Variants in NRG3 observed in about 807,000 individuals in gnomAD.
NRG3 encodes the protein pro-neuregulin-3, membrane-bound isoform.
NRG3 carries 31 observed loss-of-function variants against 66.9 expected under a neutral mutation model. The observed-to-expected ratio is 0.46, with a 90% CI of 0.35 to 0.63. NRG3 has a LOEUF of 0.63. Ranked by LOEUF, NRG3 falls within the 20% of genes least tolerant of loss-of-function variation. The pLI is 0.00. For synonymous variants in NRG3, 393 were observed against 359.4 expected (o/e 1.09, Z -1.06); for missense variants, 910 against 878.9 (o/e 1.04, Z -0.45).
intron 2 of NRG3, among the ~76,000 whole-genome samples, chr10:82,545,826 C>T (rs1232403278): frequency 4.6e-5 from 6 of 131,752 alleles, no homozygotes; most frequent in African/African-American, 1.7e-4. Context: ...CTGGCACTGT[C>T]GCCCAGGCTG....
At chr10:82,102,375 G>T (rs2066813923) in intron 1 of NRG3, among the ~76,000 whole-genome samples, 2 of 150,376 alleles carry the variant, frequency 1.3e-5, no homozygotes, top group African/African-American at 4.9e-5. Flanking sequence ...ATTTCTTGAA[G>T]TCATTGCATA....
chr10:82,550,086 C>T (rs984080632), intron 2 of NRG3, among the ~76,000 whole-genome samples: 1 of 152,104 alleles, frequency 6.6e-6, no homozygotes, highest in African/African-American at 2.4e-5. Context: ...CTGAAGTCCT[C>T]GAGTAGACTG....
At chr10:82,129,064 C>A (rs543863048) in intron 1 of NRG3, among the ~76,000 whole-genome samples, 1 of 152,076 alleles carries the variant, frequency 6.6e-6, no homozygotes, top group South Asian at 2.1e-4. Flanking sequence ...AGATGCCTGC[C>A]ACCATGCCCA....
intron 1 of NRG3, among the ~76,000 whole-genome samples, chr10:82,266,530 C>G (rs1327238267): frequency 1.3e-5 from 2 of 152,128 alleles, no homozygotes; most frequent in African/African-American, 2.4e-5. Flanking sequence ...AGGTATTGCT[C>G]TCCTATCCTA....
chr10:82,591,267 A>G (rs2046966428), intron 2 of NRG3, among the ~76,000 whole-genome samples: 1 of 152,202 alleles, frequency 6.6e-6, no homozygotes, highest in South Asian at 2.1e-4. Flanking sequence ...TATCCCTAAG[A>G]AACAGTACTT....
chr10:82,901,817 C>T (rs1041124224), intron 4 of NRG3, among the ~76,000 whole-genome samples: 14 of 152,174 alleles, frequency 9.2e-5, no homozygotes, highest in African/African-American at 3.4e-4. Flanking sequence ...AGGTACCTAA[C>T]ATCAATCCTC....
chr10:82,943,788 C>T (rs1026642009), intron 4 of NRG3, among the ~76,000 whole-genome samples: 2 of 152,032 alleles, frequency 1.3e-5, no homozygotes, highest in South Asian at 4.1e-4. Context: ...GTCAAGTTGA[C>T]ACCTAAAATT....
At chr10:82,173,707 A>T (rs976740819) in intron 1 of NRG3, among the ~76,000 whole-genome samples, 8 of 150,832 alleles carry the variant, frequency 5.3e-5, no homozygotes, top group African/African-American at 2.0e-4. Context: ...ACACACACGC[A>T]TGAAAAGAGA....
intron 3 of NRG3, among the ~76,000 whole-genome samples, chr10:82,810,373 T>G (rs1289342845): frequency 6.6e-6 from 1 of 152,136 alleles, no homozygotes; most frequent in East Asian, 1.9e-4. Flanking sequence ...TATGTGAATG[T>G]TTTTGAAGAG....
intron 3 of NRG3, among the ~76,000 whole-genome samples, chr10:82,772,436 A>G (rs1318112753): frequency 3.3e-5 from 5 of 152,012 alleles, no homozygotes; most frequent in Non-Finnish European, 5.9e-5. Context: ...TTAATCCTAT[A>G]TATCTGTCAC....
intron 6 of NRG3, 149 bp from the exon 7 acceptor site, chr10:82,973,639 G>A (rs144774559): frequency 9.0e-6 from 7 of 777,526 alleles, no homozygotes; most frequent in Admixed American, 2.1e-5. Context: ...ATTGGAAACA[G>A]GACACAAATT....
At chr10:82,095,547 T>C (rs956315783) in intron 1 of NRG3, among the ~76,000 whole-genome samples, 5 of 152,168 alleles carry the variant, frequency 3.3e-5, no homozygotes, top group Admixed American at 2.0e-4. Flanking sequence ...CTGGCCCGAT[T>C]GCTCAAGTTC....
chr10:81,875,555 T>A lies in NRG3; in HGVS notation c.215T>A (p.Leu72Gln). Residue 72 changes from leucine (L) to glutamine (Q), a missense_variant, in exon 1 of 9, where the codon CTG becomes CAG. By Grantham distance (113) the Leu-to-Gln change is moderately radical. Transcript: ENST00000372141. The surrounding 1 kb of genome is among the most constrained non-coding windows in gnomAD (Gnocchi z 5.3). Reference sequence around the variant, plus strand: ...CAGACGTGGCTGTGCGTGGTACCTCTGTTCATCGGCTTCATCGGCCTGGGG... The same window carrying A: ...CAGACGTGGCTGTGCGTGGTACCTCAGTTCATCGGCTTCATCGGCCTGGGG... ...RQQTWLCVVPLFIGFIGLGLS... is the reference protein window; with the variant it reads ...RQQTWLCVVPQFIGFIGLGLS... 6.2e-7 allele frequency: 1 copy of A among 1,613,310 alleles called. No homozygotes were observed. The highest frequency in any genetic ancestry group is 8.5e-7 in the Non-Finnish European group (1 of 1,179,888).
At chr10:82,335,458 T>C (rs899388784) in intron 1 of NRG3, among the ~76,000 whole-genome samples, 4 of 152,186 alleles carry the variant, frequency 2.6e-5, no homozygotes, top group Admixed American at 2.0e-4. Context: ...AAAATCATTC[T>C]CATTGACAGG....
chr10:82,664,202 A>G (rs890671981), intron 2 of NRG3, among the ~76,000 whole-genome samples: 1 of 152,156 alleles, frequency 6.6e-6, no homozygotes, highest in Non-Finnish European at 1.5e-5. Flanking sequence ...TCAAACTTGG[A>G]GCTAATAAAC....
chr10:82,284,476 G>T (rs986111859), intron 1 of NRG3, among the ~76,000 whole-genome samples: 1 of 152,162 alleles, frequency 6.6e-6, no homozygotes, highest in Non-Finnish European at 1.5e-5. Context: ...TTCCTGCAGG[G>T]TGAGGAGTTT....
At chr10:82,439,312 C>A (rs1407837603) in intron 2 of NRG3, among the ~76,000 whole-genome samples, 1 of 152,014 alleles carries the variant, frequency 6.6e-6, no homozygotes, top group African/African-American at 2.4e-5. Flanking sequence ...CCTGCATGAG[C>A]ACAGGATATT....
At chr10:82,551,403 GA>G (rs1337237086) in intron 2 of NRG3, among the ~76,000 whole-genome samples, 1 of 151,906 alleles carries the variant, frequency 6.6e-6, no homozygotes, top group African/African-American at 2.4e-5. Flanking sequence ...CATAGAGGAG[GA>G]AAAAAGTCTG....
chr10:82,280,936 G>T (rs2079090673), intron 1 of NRG3, among the ~76,000 whole-genome samples: 1 of 152,132 alleles, frequency 6.6e-6, no homozygotes, highest in Non-Finnish European at 1.5e-5. Context: ...GGGGGATGTG[G>T]GATGTTTGGT....
Sources: gnomAD v4.1 joint callset for allele counts (sites outside exome capture counted in the v4.1 genomes callset) on GRCh38, gnomAD v4.1.1 for gene constraint, Gnocchi (gnomAD v3.1) non-coding constraint, MANE v1.5 for transcripts, NCBI Gene and HGNC (gene_info 2026-07-23, HGNC 2026-07-21) for gene names.